Variants in HECTD4 observed in about 807,000 individuals in gnomAD.
HECTD4 encodes HECT domain E3 ubiquitin protein ligase 4.
Under a neutral mutation model 471.5 loss-of-function variants are expected in HECTD4, and 114 were observed. The ratio of observed to expected loss-of-function variants is 0.24; its 90% CI spans 0.21 to 0.28. The LOEUF is 0.28. HECTD4 is among the 10% of genes least tolerant of loss of function. The pLI is 1.00. For synonymous variants in HECTD4, 2,012 were observed against 2,256.0 expected (o/e 0.89, Z 3.07); for missense variants, 3,866 against 5,651.5 (o/e 0.68, Z 10.13).
intron 1 of HECTD4, among the ~76,000 whole-genome samples, chr12:112,331,331 A>G (rs1203863261): frequency 6.6e-6 from 1 of 152,196 alleles, no homozygotes; most frequent in Non-Finnish European, 1.5e-5. Flanking sequence ...TCGGCCTCCC[A>G]AAGTGCTGGG....
chr12:112,190,088 G>A (rs1440954856), intron 60 of HECTD4, among the ~76,000 whole-genome samples: 3 of 152,122 alleles, frequency 2.0e-5, no homozygotes, highest in Non-Finnish European at 2.9e-5. Context: ...GCAACATTAT[G>A]GAAAAATTCA....
At chr12:112,196,481 C>G (rs2032248267) in intron 55 of HECTD4, among the ~76,000 whole-genome samples, 3 of 152,134 alleles carry the variant, frequency 2.0e-5, no homozygotes, top group Admixed American at 2.0e-4. Flanking sequence ...ACATGAGGAC[C>G]ACGGCAACAA....
At chr12:112,207,137 T>C (rs981303750) in intron 52 of HECTD4, among the ~76,000 whole-genome samples, 2 of 151,932 alleles carry the variant, frequency 1.3e-5, no homozygotes, top group African/African-American at 4.8e-5. Flanking sequence ...TATGTATGTA[T>C]GTATGTATGT....
Position 112,207,787 on chromosome 12 carries a change from T to C in HECTD4, c.8131+87A>G, listed in dbSNP as rs775601802. ...TAAGTATGGTGCAACATTAGATGAG[T>C]CTCTCCTGATTTACATTCTGATTTT... On this transcript the variant is annotated intron_variant, in intron 52 of 75. Transcript: ENST00000682272. 1.5e-5 allele frequency: 22 copies of C among 1,461,824 alleles called. No homozygotes were observed. In the South Asian group the frequency reaches 2.6e-4, roughly 18 times the overall value. 90.6% of individuals were successfully genotyped at this position (1,461,824 alleles called of 1,614,324 possible).
intron 9 of HECTD4, among the ~76,000 whole-genome samples, 183 bp from the exon 10 acceptor site, chr12:112,275,143 A>C (rs2135628506): frequency 6.6e-6 from 1 of 152,342 alleles, no homozygotes; most frequent in Non-Finnish European, 1.5e-5. Context: ...AACTGTCACC[A>C]CCAGAAATTT....
intron 44 of HECTD4, among the ~76,000 whole-genome samples, chr12:112,224,933 G>A (rs575048357): frequency 5.8e-4 from 88 of 152,194 alleles, no homozygotes; most frequent in African/African-American, 1.7e-4. Flanking sequence ...ATATGTCTTC[G>A]AATGCAATCT....
chr12:112,307,212 AC>A (rs1293240090), intron 6 of HECTD4, among the ~76,000 whole-genome samples: 4 of 152,064 alleles, frequency 2.6e-5, no homozygotes, highest in Non-Finnish European at 2.9e-5. Context: ...GCGATCTCTG[AC>A]CCCTCAATTG....
At chr12:112,300,304 T>A (rs1348444598) in intron 7 of HECTD4, among the ~76,000 whole-genome samples, 3 of 126,592 alleles carry the variant, frequency 2.4e-5, no homozygotes, top group Non-Finnish European at 3.2e-5. Flanking sequence ...GAAGATTCCA[T>A]CTCAAAAAAA....
Position 112,216,900 on chromosome 12 carries a change from T to G in HECTD4, c.7258A>C (p.Ile2420Leu). The change falls in exon 47 of 76, where the codon ATT (isoleucine) becomes CTT (leucine). Residue 2420 changes from isoleucine (I) to leucine (L), a missense_variant. By Grantham distance (5) the Ile-to-Leu change is conservative (BLOSUM62 2). Transcript: ENST00000682272. ...PVQAPSFYWE[I>L]EIVSYGDTDD... Reference sequence around the variant, plus strand: ...GTGTCTCCATAGGAAACGATTTCAATTTCCCAGTAAAAAGACGGGGCCTGA... The same window carrying G: ...GTGTCTCCATAGGAAACGATTTCAAGTTCCCAGTAAAAAGACGGGGCCTGA... 2 of 1,613,934 alleles carry G rather than the reference T, an allele frequency of 1.2e-6. No homozygotes were observed. Among genetic ancestry groups the G allele is most frequent in the Non-Finnish European group, 1.7e-6 (2 of 1,179,824 alleles).
intron 39 of HECTD4, 113 bp downstream of exon 39, chr12:112,231,400 G>T: frequency 1.0e-6 from 1 of 972,166 alleles, no homozygotes; most frequent in Non-Finnish European, 1.6e-6. Flanking sequence ...GCAGATGGCG[G>T]CCTCATTTCC....
rs2031602101 is a variant in HECTD4 at position 112,179,856 on chromosome 12, G to A, written c.10988-459C>T. ...AGATAGCCAGCAAGTATTTTTAGTG[G>A]GAAGTACAACTTGTTAAACAGGTGA... On this transcript the variant is annotated intron_variant, in intron 62 of 75. Transcript: ENST00000682272. The surrounding 1 kb of genome is among the most constrained non-coding windows in gnomAD (Gnocchi z 4.3). Among the ~76,000 whole-genome samples, 1 of 152,180 alleles carries A rather than the reference G, an allele frequency of 6.6e-6. No homozygotes were observed. Among genetic ancestry groups the A allele is most frequent in the African/African-American group, 2.4e-5 (1 of 41,430 alleles).
chr12:112,245,568 C>T lies in HECTD4; in HGVS notation c.4513+1333G>A, dbSNP rs556279827. 2.6e-5 allele frequency among the ~76,000 whole-genome samples: 4 copies of T among 152,218 alleles called. No individual in the cohort carries two copies. In the South Asian group the frequency reaches 6.2e-4, roughly 24 times the overall value. On this transcript the variant is annotated intron_variant, in intron 29 of 75. Transcript: ENST00000682272. ...CTCAGGGAGAACCTGTATTAGAGAGCGAGACCCTGGGAGTCCTCCTAGACT... is the reference window on the plus strand; with the variant it reads ...CTCAGGGAGAACCTGTATTAGAGAGTGAGACCCTGGGAGTCCTCCTAGACT...
At chr12:112,344,644 T>C (rs1594061637) in intron 1 of HECTD4, among the ~76,000 whole-genome samples, 2 of 152,180 alleles carry the variant, frequency 1.3e-5, no homozygotes, top group South Asian at 4.1e-4. Flanking sequence ...CAGGGCCAGA[T>C]GTGGTAGCTC....
intron 44 of HECTD4, among the ~76,000 whole-genome samples, chr12:112,222,669 A>T (rs1331070679): frequency 5.9e-5 from 9 of 152,132 alleles, no homozygotes; most frequent in Admixed American, 5.2e-4. Flanking sequence ...TCTGTCTTTT[A>T]AAAACAAACA....
In HECTD4 at chr12:112,212,657, C is replaced by T. The variant is rs2032797395; in HGVS notation, c.7466-7G>A. 1 of 1,589,552 alleles carries T rather than the reference C, an allele frequency of 6.3e-7. No individual in the cohort carries two copies. Among genetic ancestry groups the T allele is most frequent in the African/African-American group, 1.4e-5 (1 of 73,892 alleles). ...CCAATTCCTGCCACGTCACCTATAG[C>T]AGAGAACGGGAAGGAAAACATATTT... On this transcript the variant is annotated splice_region_variant and splice_polypyrimidine_tract_variant and intron_variant, in intron 48 of 75. Coordinates refer to ENST00000682272, the MANE Select transcript of HECTD4 (RefSeq NM_001388303.1).
At chr12:112,338,473 T>G (rs532769673) in intron 1 of HECTD4, among the ~76,000 whole-genome samples, 1 of 151,942 alleles carries the variant, frequency 6.6e-6, no homozygotes, top group South Asian at 2.1e-4. Context: ...ATACAAAAAT[T>G]AGCTAGACAT....
At chr12:112,312,781 A>G (rs951409593) in intron 4 of HECTD4, among the ~76,000 whole-genome samples, 15 of 152,328 alleles carry the variant, frequency 9.8e-5, no homozygotes, top group Admixed American at 9.8e-4. Flanking sequence ...CCTTGGCAAG[A>G]GTGTATGGAT....
chr12:112,167,947 TGGGGTGTCCC>T, intron 70 of HECTD4, 30 bp from the exon 71 acceptor site: 1 of 1,562,130 alleles, frequency 6.4e-7, no homozygotes, highest in East Asian at 2.2e-5. Context: ...CATGGGCACC[TGGGGTGTCCC>T]GGCGGGAGGC....
At chr12:112,307,520 T>C (rs902182530) in intron 6 of HECTD4, among the ~76,000 whole-genome samples, 2 of 152,382 alleles carry the variant, frequency 1.3e-5, no homozygotes, top group East Asian at 3.9e-4. Flanking sequence ...ACCAGTCTTA[T>C]AACTTCTATT....
Sources: gnomAD v4.1 joint callset for allele counts (sites outside exome capture counted in the v4.1 genomes callset) on GRCh38, gnomAD v4.1.1 for gene constraint, Gnocchi (gnomAD v3.1) non-coding constraint, MANE v1.5 for transcripts, NCBI Gene and HGNC (gene_info 2026-07-23, HGNC 2026-07-21) for gene names.